The following DGKB variants were observed in gnomAD, a reference collection of about 807,000 sequenced individuals.
DGKB encodes 90 kDa diacylglycerol kinase.
Under a neutral mutation model 114.3 loss-of-function variants are expected in DGKB, and 67 were observed. That is an observed-to-expected ratio of 0.59 (90% CI 0.48 to 0.72). The LOEUF (loss-of-function observed/expected upper bound fraction) is 0.72. DGKB is among the 30% of genes least tolerant of loss of function. The pLI, the probability that DGKB is intolerant of heterozygous loss-of-function variation, is 0.00. For missense variants in DGKB, 907 were observed against 975.2 expected, an observed-to-expected ratio of 0.93 and a Z score of 0.93; for synonymous variants, 398 against 323.1, an observed-to-expected ratio of 1.23 and a Z score of -2.49.
chr7:14,344,844 C>G (rs1452646229), intron 22 of DGKB, among the ~76,000 whole-genome samples: 1 of 151,420 alleles, frequency 6.6e-6, no homozygotes, highest in African/African-American at 2.4e-5. Flanking sequence ...CTGAGAAAAC[C>G]TAGTTAATGA....
chr7:14,424,676 C>T (rs1403050096), intron 21 of DGKB, among the ~76,000 whole-genome samples: 3 of 152,032 alleles, frequency 2.0e-5, no homozygotes, highest in Admixed American at 6.6e-5. Context: ...ACCGGGTCTC[C>T]GGATTCCTCA....
chr7:14,522,773 G>C (rs1440654863), intron 20 of DGKB, among the ~76,000 whole-genome samples: 2 of 152,092 alleles, frequency 1.3e-5, no homozygotes, highest in African/African-American at 4.8e-5. Context: ...CAGTTTTTTG[G>C]GGAAAGAATT....
intron 4 of DGKB, 146 bp downstream of exon 4, chr7:14,753,782 A>C (rs1834456085): frequency 1.7e-6 from 1 of 603,326 alleles, no homozygotes; most frequent in Admixed American, 3.4e-5. Flanking sequence ...CTTAGTTATA[A>C]CCTATGAGTA....
chr7:14,805,057 GTAGAAGA>G (rs1842628334), intron 2 of DGKB, among the ~76,000 whole-genome samples: 1 of 151,982 alleles, frequency 6.6e-6, no homozygotes, highest in African/African-American at 2.4e-5. Flanking sequence ...CACATTTTGA[GTAGAAGA>G]TGTTCTTCTC....
intron 2 of DGKB, among the ~76,000 whole-genome samples, chr7:14,784,909 G>A (rs1289925127): frequency 6.6e-6 from 1 of 151,198 alleles, no homozygotes; most frequent in Admixed American, 6.6e-5. Context: ...TGTATTTGTT[G>A]CTGAAATACT....
At chr7:14,359,855 C>T (rs985245098) in intron 21 of DGKB, among the ~76,000 whole-genome samples, 1 of 152,152 alleles carries the variant, frequency 6.6e-6, no homozygotes, top group South Asian at 2.1e-4. Flanking sequence ...AATGCTTTTA[C>T]ACTGGTGGTG....
chr7:14,173,242 T>C (rs1206605185), intron 25 of DGKB, among the ~76,000 whole-genome samples: 1 of 152,188 alleles, frequency 6.6e-6, no homozygotes, highest in East Asian at 1.9e-4. Flanking sequence ...AGCTCTTTGG[T>C]TTTTTCTTTT....
intron 8 of DGKB, among the ~76,000 whole-genome samples, chr7:14,696,907 T>C (rs1585741439): frequency 2.0e-5 from 3 of 152,322 alleles, no homozygotes; most frequent in Middle Eastern, 6.8e-3. Context: ...CATATACTCA[T>C]GCCATTATCC....
At chr7:14,945,898 G>T (rs115700050) in intron 1 of DGKB, among the ~76,000 whole-genome samples, 5,955 of 151,424 alleles carry the variant, frequency 0.039, 360 homozygotes, top group African/African-American at 0.13. Flanking sequence ...AAGTCACAAC[G>T]TTTTCCTGAA....
At chr7:14,506,299 C>G (rs934132069) in intron 20 of DGKB, among the ~76,000 whole-genome samples, 1 of 152,010 alleles carries the variant, frequency 6.6e-6, no homozygotes, top group Non-Finnish European at 1.5e-5. Flanking sequence ...CAAGTCCAGA[C>G]CTTCATATGA....
chr7:14,872,172 C>G (rs1367983714), intron 1 of DGKB, among the ~76,000 whole-genome samples: 1 of 152,154 alleles, frequency 6.6e-6, no homozygotes, highest in African/African-American at 2.4e-5. Context: ...TTAATCTGTT[C>G]ATATTTCTCA....
At chr7:14,598,174 A>C (rs1342986509) in intron 17 of DGKB, among the ~76,000 whole-genome samples, 1 of 152,194 alleles carries the variant, frequency 6.6e-6, no homozygotes, top group Non-Finnish European at 1.5e-5. Context: ...CATGAATTGA[A>C]TGAATTCAAA....
At chr7:14,566,427 G>C (rs558302225) in intron 20 of DGKB, among the ~76,000 whole-genome samples, 1 of 152,156 alleles carries the variant, frequency 6.6e-6, no homozygotes, top group East Asian at 1.9e-4. Context: ...AGGGAAGATG[G>C]CCAATTCAAT....
chr7:14,204,886 A>C (rs565232511), intron 23 of DGKB, among the ~76,000 whole-genome samples: 2 of 152,126 alleles, frequency 1.3e-5, no homozygotes, highest in Non-Finnish European at 2.9e-5. Context: ...GATATCAGGG[A>C]ATGTATTTTT....
At chr7:14,347,257 G>A (rs1265806491) in intron 21 of DGKB, among the ~76,000 whole-genome samples, 5 of 151,848 alleles carry the variant, frequency 3.3e-5, no homozygotes, top group Non-Finnish European at 7.4e-5. Context: ...CCTCCTTTTT[G>A]TTAGGATGGC....
At chr7:14,602,144 A>C (rs892117450) in intron 17 of DGKB, among the ~76,000 whole-genome samples, 1 of 152,296 alleles carries the variant, frequency 6.6e-6, no homozygotes, top group African/African-American at 2.4e-5. Flanking sequence ...TAAAGTCTAA[A>C]AGTCTATAAA....
intron 25 of DGKB, among the ~76,000 whole-genome samples, chr7:14,165,669 T>A (rs550590924): frequency 1.7e-4 from 26 of 152,346 alleles, no homozygotes; most frequent in Admixed American, 4.6e-4. Flanking sequence ...ATATATATTA[T>A]GTGAAGTGCT....
At chr7:14,745,966 A>C (rs1833225284) in intron 4 of DGKB, among the ~76,000 whole-genome samples, 1 of 152,176 alleles carries the variant, frequency 6.6e-6, no homozygotes, top group African/African-American at 2.4e-5. Context: ...TCTAAAGTAT[A>C]GTTCTCTCTG....
chr7:14,326,477 T>C (rs1215254527), intron 23 of DGKB, among the ~76,000 whole-genome samples: 1 of 152,072 alleles, frequency 6.6e-6, no homozygotes, highest in Non-Finnish European at 1.5e-5. Flanking sequence ...GAGTGGGTTG[T>C]TCAACTACTG....
Sources: gnomAD v4.1 joint callset for allele counts (sites outside exome capture counted in the v4.1 genomes callset) on GRCh38, gnomAD v4.1.1 for gene constraint, MANE v1.5 for transcripts, NCBI Gene and HGNC (gene_info 2026-07-23, HGNC 2026-07-21) for gene names.